The following RAD50 variants were observed in gnomAD, a reference collection of about 807,000 sequenced individuals.
RAD50 encodes the protein DNA repair protein RAD50.
A neutral mutation model predicts 168.8 loss-of-function variants in RAD50; 132 were observed. That is an observed-to-expected ratio of 0.78 (90% confidence interval 0.68 to 0.90). The LOEUF (loss-of-function observed/expected upper bound fraction) is 0.90. Ranked by LOEUF, RAD50 falls within the 40% of genes least tolerant of loss-of-function variation. The probability of loss-of-function intolerance (pLI) is 0.00; values close to 1 mark genes in which losing one functional copy is unlikely to be tolerated. For synonymous variants in RAD50, 525 were observed against 497.4 expected (o/e 1.06, Z -0.74); for missense variants, 1,347 against 1,534.4 (o/e 0.88, Z 2.04).
At position 132,557,233 on chromosome 5, in the gene RAD50, G is replaced by A. The variant is rs2149829941; in HGVS notation, c.-92G>A. Reference sequence around the variant, plus strand: ...CCGGATCCTCCTGACCCTGAGATTCGCGGGTCTCACGTCCCGTGCACGCCT... The same window carrying A: ...CCGGATCCTCCTGACCCTGAGATTCACGGGTCTCACGTCCCGTGCACGCCT... On this transcript the variant is annotated 5_prime_UTR_variant, in exon 1 of 25. Coordinates refer to ENST00000378823, the MANE Select transcript of RAD50 (RefSeq NM_005732.4). 8 of 1,526,308 alleles carry A rather than the reference G, an allele frequency of 5.2e-6. No homozygotes were observed. The highest frequency in any genetic ancestry group is 7.3e-6 in the Non-Finnish European group (8 of 1,101,076). The allele number at this position is 1,526,308 out of a possible 1,614,324, so 94.5% of individuals were successfully genotyped here.
At chr5:132,632,016 G>C (rs1212416712) in intron 21 of RAD50, among the ~76,000 whole-genome samples, 1 of 152,112 alleles carries the variant, frequency 6.6e-6, no homozygotes, top group East Asian at 1.9e-4. Context: ...TAAAGCTGGT[G>C]GTCCCTATTC....
In RAD50 at chr5:132,587,686, A is replaced by T. The variant is rs1296577319; in HGVS notation, c.881A>T (p.Glu294Val). 2 of 1,613,694 alleles carry T rather than the reference A, an allele frequency of 1.2e-6. No homozygotes were observed. The highest frequency in any genetic ancestry group is 1.7e-6 in the Non-Finnish European group (2 of 1,179,826). ...KDNSELEEKM[E>V]KVFQGTDEQL... ...AATAGTGAACTGGAAGAGAAAATGG[A>T]AAAGGTTTGTGGTGGTAGAATTTTG... Residue 294 changes from glutamate to valine, a missense_variant, in exon 6 of 25, where the codon GAA becomes GTA. By Grantham distance (121) the Glu-to-Val change is moderately radical (BLOSUM62 -2). Around this residue, in one of 3 missense-constraint regions of RAD50, gnomAD observed 703 missense variants for 767.7 expected, o/e 0.92. Transcript: ENST00000378823.
rs2522414 is a variant in RAD50 at position 132,576,155 on chromosome 5, G to C, written c.365+227G>C. Reference sequence around the variant, plus strand: ...ACGCACACACAGCCTCCTCCACTATGAACATTTGATTTTTTGTGGATACTA... The same window carrying C: ...ACGCACACACAGCCTCCTCCACTATCAACATTTGATTTTTTGTGGATACTA... On this transcript the variant is annotated intron_variant, in intron 3 of 24. Coordinates refer to ENST00000378823, the MANE Select transcript of RAD50 (RefSeq NM_005732.4). Among the ~76,000 whole-genome samples, 47,426 of 152,016 alleles carry C rather than the reference G, an allele frequency of 0.31. 9,427 individuals carry two copies. The highest frequency in any genetic ancestry group is 0.57 in the African/African-American group (23,766 of 41,426).
In RAD50 at chr5:132,557,198, C is replaced by A; in HGVS notation, c.-127C>A. 1 of 1,343,486 alleles carries A rather than the reference C, an allele frequency of 7.4e-7. No individual in the cohort carries two copies. Among genetic ancestry groups the A allele is most frequent in the South Asian group, 1.2e-5 (1 of 82,976 alleles). 83.2% of individuals were successfully genotyped at this position (1,343,486 alleles called of 1,614,324 possible). On this transcript the variant is annotated 5_prime_UTR_variant, in exon 1 of 25. Transcript: ENST00000378823. ...GGATCTTTTGGCAGTCCTGTGGCCT[C>A]GCTCCCCGCCCGGATCCTCCTGACC...
chr5:132,638,659 A>G (rs1751647503), intron 23 of RAD50, among the ~76,000 whole-genome samples: 1 of 152,248 alleles, frequency 6.6e-6, no homozygotes, highest in Non-Finnish European at 1.5e-5. Flanking sequence ...CTTAAGCTAG[A>G]ATGAATATTC....
intron 2 of RAD50, among the ~76,000 whole-genome samples, chr5:132,574,079 G>A (rs1197185495): frequency 6.6e-6 from 1 of 152,228 alleles, no homozygotes; most frequent in Non-Finnish European, 1.5e-5. Flanking sequence ...GAGGACAGTG[G>A]CTGTCTTCTC....
At chr5:132,578,093 G>A (rs538873539) in intron 3 of RAD50, among the ~76,000 whole-genome samples, 63 of 152,044 alleles carry the variant, frequency 4.1e-4, no homozygotes, top group South Asian at 2.1e-4. Flanking sequence ...GATTACAGGC[G>A]TGAGCCACCG....
intron 23 of RAD50, among the ~76,000 whole-genome samples, chr5:132,639,644 A>C (rs1451865057): frequency 6.6e-6 from 1 of 152,246 alleles, no homozygotes; most frequent in Non-Finnish European, 1.5e-5. Flanking sequence ...AAAATTAATT[A>C]GCAATAATTG....
intron 3 of RAD50, among the ~76,000 whole-genome samples, chr5:132,577,498 C>A (rs1185642818): frequency 6.6e-6 from 1 of 152,168 alleles, no homozygotes; most frequent in Non-Finnish European, 1.5e-5. Flanking sequence ...TAAGTAAATG[C>A]TAGTTTATTA....
intron 2 of RAD50, among the ~76,000 whole-genome samples, chr5:132,568,438 A>G (rs1750246800): frequency 6.6e-6 from 1 of 152,154 alleles, no homozygotes; most frequent in African/African-American, 2.4e-5. Context: ...AAAGATGGAC[A>G]TAATGTGTGG....
Position 132,594,955 on chromosome 5 carries a change from A to G in RAD50, c.1880A>G (p.Asp627Gly), listed in dbSNP as rs1561642067. The change falls in exon 12 of 25, where the codon GAC becomes GGC. Residue 627 changes from aspartate to glycine, a missense_variant. By Grantham distance (94) the Asp-to-Gly change is moderately conservative. Around this residue, in one of 3 missense-constraint regions of RAD50, gnomAD observed 703 missense variants for 767.7 expected, o/e 0.92. Coordinates refer to ENST00000378823, the MANE Select transcript of RAD50 (RefSeq NM_005732.4). ...RKEEQLSSYE[D>G]KLFDVCGSQD... ...GAAGAGCAGTTGTCCAGTTACGAAG[A>G]CAAGCTGTTTGATGTTTGTGGTAGC... 6.2e-7 allele frequency: 1 copy of G among 1,611,712 alleles called. No homozygotes were observed. The highest frequency in any genetic ancestry group is 1.3e-5 in the African/African-American group (1 of 75,012).
chr5:132,560,831 C>G (rs1580977081), intron 2 of RAD50, among the ~76,000 whole-genome samples: 1 of 152,264 alleles, frequency 6.6e-6, no homozygotes, highest in Middle Eastern at 3.4e-3. Context: ...AAAAACTCTC[C>G]CTTTACTCCA....
At chr5:132,611,494 A>T (rs1751085318) in intron 19 of RAD50, among the ~76,000 whole-genome samples, 1 of 152,034 alleles carries the variant, frequency 6.6e-6, no homozygotes, top group African/African-American at 2.4e-5. Flanking sequence ...TCACGAGGTC[A>T]GGAGATCGAG....
rs1017088988 is a variant in RAD50, at chr5:132,644,704, C to T, written c.*2340C>T. 13 of 167,788 alleles carry T rather than the reference C, an allele frequency of 7.7e-5. No individual in the cohort carries two copies. The East Asian group carries it at 1.5e-3, about 20-fold the overall frequency. 10.4% of individuals were successfully genotyped at this position (167,788 alleles called of 1,614,324 possible). A position where few individuals can be genotyped will look rare whatever the true frequency, so the allele number is the denominator to read the frequency against. On this transcript the variant is annotated 3_prime_UTR_variant, in exon 25 of 25. Coordinates refer to ENST00000378823, the MANE Select transcript of RAD50 (RefSeq NM_005732.4). ...AGTTTAGCTCCCGGTTCAGTGTCAC[C>T]CCATTACTAATAATCATTGCTGATT...
chr5:132,559,209 G>T, intron 1 of RAD50, 75 bp from the exon 2 acceptor site: 3 of 1,325,014 alleles, frequency 2.3e-6, no homozygotes, highest in Non-Finnish European at 3.1e-6. Context: ...TAATATTTTT[G>T]TAATGAATTC....
Position 132,626,870 on chromosome 5 carries a change from C to CT in RAD50, c.3389+8586dup, listed in dbSNP as rs986071116. 8.0e-4 allele frequency among the ~76,000 whole-genome samples: 119 copies of CT among 148,804 alleles called. 2 individuals carry two copies. The highest frequency in any genetic ancestry group is 7.8e-4 in the East Asian group (4 of 5,104). Reference sequence around the variant, plus strand: ...ATGCTGCTACCATAGTGGCCCCCTGCTTTTTTTTTTATTTTTCTGGAGACG... The same window carrying CT: ...ATGCTGCTACCATAGTGGCCCCCTGCTTTTTTTTTTTATTTTTCTGGAGACG... On this transcript the variant is annotated intron_variant, in intron 21 of 24. Transcript: ENST00000378823.
intron 19 of RAD50, among the ~76,000 whole-genome samples, chr5:132,610,018 GGT>G (rs1289916930): frequency 1.5e-5 from 2 of 130,870 alleles, no homozygotes; most frequent in African/African-American, 6.9e-5. Flanking sequence ...GATAAATTTA[GGT>G]GTGTGTGTAT....
intron 13 of RAD50, among the ~76,000 whole-genome samples, chr5:132,596,135 A>C (rs763653403): frequency 6.6e-6 from 1 of 151,990 alleles, no homozygotes; most frequent in Non-Finnish European, 1.5e-5. Flanking sequence ...CTGGGATTAC[A>C]GGCATGTACC....
rs185716923 is a variant in RAD50 at position 132,608,796 on chromosome 5, C to T, written c.2829+71C>T. 1.7e-4 allele frequency: 252 copies of T among 1,506,148 alleles called. 1 individual carries two copies. The African/African-American group carries it at 3.3e-3, about 20-fold the overall frequency. 93.3% of individuals were successfully genotyped at this position (1,506,148 alleles called of 1,614,324 possible). ...CTTATGTTCATAGCACCACGTCGGA[C>T]ACTTATTTCACATGAAATTAAATAG... On this transcript the variant is annotated intron_variant, in intron 17 of 24. Coordinates refer to ENST00000378823, the MANE Select transcript of RAD50 (RefSeq NM_005732.4).
Sources: allele counts gnomAD v4.1 joint callset (sites outside exome capture counted in the v4.1 genomes callset), GRCh38; gene constraint gnomAD v4.1.1; regional missense constraint gnomAD v4.1.1; transcripts MANE v1.5; gene names NCBI Gene and HGNC (gene_info 2026-07-23, HGNC 2026-07-21).